The following LMCD1 variants were observed in gnomAD, a reference collection of about 807,000 sequenced individuals.
LMCD1 encodes the protein LIM and cysteine-rich domains protein 1.
A neutral mutation model predicts 42.7 loss-of-function variants in LMCD1; 32 were observed. The observed-to-expected ratio is 0.75, with a 90% CI of 0.57 to 1.01. LMCD1 has a LOEUF of 1.01. LMCD1 is among the 50% of genes least tolerant of loss of function. The probability of loss-of-function intolerance (pLI) is 0.00; values close to 1 mark genes in which losing one functional copy is unlikely to be tolerated. For synonymous variants in LMCD1, 178 were observed against 184.9 expected (o/e 0.96, Z 0.30); for missense variants, 458 against 483.1 (o/e 0.95, Z 0.49).
intron 4 of LMCD1, among the ~76,000 whole-genome samples, chr3:8,549,453 T>C (rs1195505459): frequency 1.3e-5 from 2 of 152,130 alleles, no homozygotes; most frequent in Admixed American, 6.5e-5. Flanking sequence ...ATCCATCCAT[T>C]CATCAGTCAA....
At chr3:8,514,913 G>T (rs943074271) in intron 1 of LMCD1, 2 of 456,094 alleles carry the variant, frequency 4.4e-6, no homozygotes, top group Non-Finnish European at 8.8e-6. Flanking sequence ...AATATTCTAC[G>T]TGTTTATCTA....
rs190607080 is a variant in LMCD1 at position 8,568,731 on chromosome 3, T to G, written c.*1133T>G. On this transcript the variant is annotated 3_prime_UTR_variant, in exon 6 of 6. Transcript: ENST00000157600. ...CATTTTATGGTCTCTCTGAACATTT[T>G]CAGCTCTTAAATTAATTTCTTTCCC... 683 of 152,330 alleles carry G rather than the reference T, an allele frequency of 4.5e-3. 6 individuals carry two copies. Among genetic ancestry groups the G allele is most frequent in the African/African-American group, 0.015 (625 of 41,580 alleles). The allele number at this position is 152,330 out of a possible 1,614,324, so 9.4% of individuals were successfully genotyped here.
intron 3 of LMCD1, among the ~76,000 whole-genome samples, chr3:8,547,818 A>G (rs1045232258): frequency 6.6e-6 from 1 of 151,774 alleles, no homozygotes; most frequent in African/African-American, 2.4e-5. Context: ...CCCGGGAGGC[A>G]GAGCTTGCAG....
chr3:8,547,279 A>G (rs1694755337), intron 3 of LMCD1, among the ~76,000 whole-genome samples: 1 of 152,222 alleles, frequency 6.6e-6, no homozygotes, highest in Non-Finnish European at 1.5e-5. Context: ...GCCCAGTCAC[A>G]GGAGAAACAG....
chr3:8,520,467 C>T (rs1211819605), intron 1 of LMCD1, among the ~76,000 whole-genome samples: 4 of 152,122 alleles, frequency 2.6e-5, no homozygotes, highest in South Asian at 2.1e-4. Flanking sequence ...GGGACACCAA[C>T]AGCTTGTTCT....
rs78531509 is a variant in LMCD1 at position 8,527,675 on chromosome 3, C to T, written c.43-5062C>T. On this transcript the variant is annotated intron_variant, in intron 1 of 5. Transcript: ENST00000157600. ...TATAGAACTTAACCTGTAAAAGACA[C>T]GTCTGCATTGAATAGAATTTTGTGT... 6.3e-3 allele frequency among the ~76,000 whole-genome samples: 955 copies of T among 152,260 alleles called. 10 individuals are homozygous for T. Among genetic ancestry groups the T allele is most frequent in the South Asian group, 0.01 (49 of 4,820 alleles).
chr3:8,569,741 T>G lies in LMCD1; in HGVS notation c.*2143T>G, dbSNP rs776471941. ...CCAGGCATAGTGGCTCAGGCCTGTATTCTCAGCACTTTGGGAGGCCAAAGC... is the reference window on the plus strand; with the variant it reads ...CCAGGCATAGTGGCTCAGGCCTGTAGTCTCAGCACTTTGGGAGGCCAAAGC... On this transcript the variant is annotated 3_prime_UTR_variant, in exon 6 of 6. Transcript: ENST00000157600. 1.3e-5 allele frequency: 2 copies of G among 152,226 alleles called. No individual in the cohort carries two copies. The highest frequency in any genetic ancestry group is 2.9e-5 in the Non-Finnish European group (2 of 68,108). The allele number at this position is 152,226 out of a possible 1,614,324, so 9.4% of individuals were successfully genotyped here. A position where few individuals can be genotyped will look rare whatever the true frequency, so the allele number is the denominator to read the frequency against.
intron 3 of LMCD1, among the ~76,000 whole-genome samples, chr3:8,548,207 G>A (rs908954660): frequency 6.6e-5 from 10 of 152,202 alleles, no homozygotes; most frequent in South Asian, 4.1e-4. Flanking sequence ...TGCATCTGAT[G>A]TGTACAGCTT....
chr3:8,555,715 GC>G (rs1468558867), intron 4 of LMCD1, among the ~76,000 whole-genome samples: 4 of 95,702 alleles, frequency 4.2e-5, no homozygotes, highest in African/African-American at 1.6e-4. Flanking sequence ...CCTTCAACGA[GC>G]TTTTTTTTTT....
At position 8,514,352 on chromosome 3, in the gene LMCD1, CA is replaced by C. The variant is rs1353217605; in HGVS notation, c.42+12374del. Among the ~76,000 whole-genome samples the C allele has an allele frequency of 2.0e-5, 3 of 152,160 alleles. No homozygotes were observed. The East Asian group carries it at 5.8e-4, about 29-fold the overall frequency. On this transcript the variant is annotated intron_variant, in intron 1 of 5. Coordinates refer to ENST00000157600, the MANE Select transcript of LMCD1 (RefSeq NM_014583.4). ...CCAGCAGAATGGTAAAATTAAGTAC[CA>C]ACAGGACAGAGTGCTGGAGAGGATG...
chr3:8,548,397 C>CTCTA (rs1469038862), intron 3 of LMCD1, among the ~76,000 whole-genome samples, 171 bp from the exon 4 acceptor site: 1 of 152,054 alleles, frequency 6.6e-6, no homozygotes, highest in Non-Finnish European at 1.5e-5. Flanking sequence ...TCTAAAATTA[C>CTCTA]AAAAGTAATC....
chr3:8,549,977 G>C, intron 4 of LMCD1: 4 of 1,382,658 alleles, frequency 2.9e-6, no homozygotes, highest in Non-Finnish European at 4.0e-6. Flanking sequence ...TCTCTTAAAG[G>C]CCCCACCTCT....
At chr3:8,502,387 T>G (rs1306492085) in intron 1 of LMCD1, among the ~76,000 whole-genome samples, 1 of 87,926 alleles carries the variant, frequency 1.1e-5, no homozygotes, top group African/African-American at 4.6e-5. Flanking sequence ...ATAATATATA[T>G]TATATATAAA....
intron 4 of LMCD1, 140 bp from the exon 5 acceptor site, chr3:8,565,292 G>C (rs1695107333): frequency 1.4e-6 from 1 of 700,316 alleles, no homozygotes; most frequent in South Asian, 1.7e-5. Flanking sequence ...CTTTGCAGAT[G>C]ACAAAACTGA....
chr3:8,564,511 ATCCTCCTACCTCCAGT>A (rs1414390938), intron 4 of LMCD1, among the ~76,000 whole-genome samples: 2 of 152,100 alleles, frequency 1.3e-5, no homozygotes, highest in Admixed American at 6.6e-5. Flanking sequence ...GCCTCAAATG[ATCCTCCTACCTCCAGT>A]TCCCAACGTG....
intron 1 of LMCD1, among the ~76,000 whole-genome samples, chr3:8,530,199 C>G (rs990784297): frequency 4.6e-4 from 70 of 152,216 alleles, no homozygotes; most frequent in Admixed American, 4.3e-3. Flanking sequence ...CACTCCCAAC[C>G]AGGAACCACT....
intron 2 of LMCD1, among the ~76,000 whole-genome samples, chr3:8,533,689 G>A (rs367963742): frequency 1.3e-5 from 2 of 152,248 alleles, no homozygotes; most frequent in South Asian, 4.2e-4. Flanking sequence ...TTATTTAAAT[G>A]TTGAAATAAA....
chr3:8,512,068 G>A lies in LMCD1; in HGVS notation c.42+10088G>A, dbSNP rs183137541. ...CCGTGAGATCCAGCACATGGCACAT[G>A]TGAGCAGAACATGAAAACACCGTTC... On this transcript the variant is annotated intron_variant, in intron 1 of 5. Coordinates refer to ENST00000157600, the MANE Select transcript of LMCD1 (RefSeq NM_014583.4). Among the ~76,000 whole-genome samples, 57 of 152,354 alleles carry A rather than the reference G, an allele frequency of 3.7e-4. 1 individual carries two copies. The highest frequency in any genetic ancestry group is 1.3e-3 in the African/African-American group (55 of 41,592).
chr3:8,503,677 C>T (rs1208208243), intron 1 of LMCD1, among the ~76,000 whole-genome samples: 1 of 152,202 alleles, frequency 6.6e-6, no homozygotes, highest in Admixed American at 6.5e-5. Context: ...GCTAAGACCA[C>T]ACTGTTTGCA....
Sources: allele counts gnomAD v4.1 joint callset (sites outside exome capture counted in the v4.1 genomes callset), GRCh38; gene constraint gnomAD v4.1.1; transcripts MANE v1.5; gene names NCBI Gene and HGNC (gene_info 2026-07-23, HGNC 2026-07-21).